CCM2: variants seen among roughly 807,000 people sequenced by gnomAD.
CCM2 encodes the protein CCM2 scaffold protein, also known as cerebral cavernous malformations 2 protein.
A neutral mutation model predicts 44.9 loss-of-function variants in CCM2; 25 were observed. The observed-to-expected ratio is 0.56, with a 90% confidence interval of 0.41 to 0.78. The LOEUF (loss-of-function observed/expected upper bound fraction) is 0.78. CCM2 is among the 30% of genes least tolerant of loss of function. The pLI is 0.00. For synonymous variants in CCM2, 219 were observed against 241.1 expected (o/e 0.91, Z 0.85); for missense variants, 481 against 580.6 (o/e 0.83, Z 1.76).
intron 1 of CCM2, among the ~76,000 whole-genome samples, chr7:45,028,444 T>C (rs1036007241): frequency 1.3e-5 from 2 of 151,574 alleles, no homozygotes; most frequent in African/African-American, 4.9e-5. Flanking sequence ...GATCAGGAGG[T>C]CAGGAGATCA....
intron 5 of CCM2, 63 bp downstream of exon 5, chr7:45,068,642 C>T: frequency 6.3e-7 from 1 of 1,598,670 alleles, no homozygotes; most frequent in East Asian, 2.2e-5. Context: ...CATGGCCAGC[C>T]CCACCCTGGC....
intron 1 of CCM2, among the ~76,000 whole-genome samples, chr7:45,022,555 C>T (rs916764320): frequency 6.6e-6 from 1 of 151,922 alleles, no homozygotes; most frequent in South Asian, 2.1e-4. Flanking sequence ...ATCCGCCCGC[C>T]TCGGCCTCCC....
At chr7:45,030,400 T>A (rs909886262) in intron 1 of CCM2, among the ~76,000 whole-genome samples, 2 of 152,240 alleles carry the variant, frequency 1.3e-5, no homozygotes, top group African/African-American at 4.8e-5. Flanking sequence ...ACTGGAATCC[T>A]GATTCTGTAC....
intron 6 of CCM2, 142 bp from the exon 7 acceptor site, chr7:45,072,584 C>A: frequency 1.4e-6 from 1 of 720,272 alleles, no homozygotes; most frequent in South Asian, 1.5e-5. Context: ...TTCCAGAGTG[C>A]GGGCAGCTTG....
intron 1 of CCM2, among the ~76,000 whole-genome samples, chr7:45,006,863 C>T (rs1309371354): frequency 6.6e-6 from 1 of 152,172 alleles, no homozygotes; most frequent in Non-Finnish European, 1.5e-5. Context: ...AGCATCTAGA[C>T]TCTAAGAGAA....
At chr7:45,045,497 C>T (rs1444804014) in intron 2 of CCM2, among the ~76,000 whole-genome samples, 1 of 152,128 alleles carries the variant, frequency 6.6e-6, no homozygotes, top group Non-Finnish European at 1.5e-5. Flanking sequence ...TGATTAAAAA[C>T]TCAGACAAAT....
chr7:45,042,946 TGCTTTCTCTTC>T (rs1797580703), intron 2 of CCM2, among the ~76,000 whole-genome samples: 1 of 149,306 alleles, frequency 6.7e-6, no homozygotes, highest in Non-Finnish European at 1.5e-5. Flanking sequence ...TTCTCTTCTC[TGCTTTCTCTTC>T]TCTTCTTCTT....
In CCM2 at chr7:45,021,669, G is replaced by C. The variant is rs114514432; in HGVS notation, c.31-16584G>C. Among the ~76,000 whole-genome samples, 1,452 of 152,212 alleles carry C rather than the reference G, an allele frequency of 9.5e-3. 28 individuals are homozygous for C. Among genetic ancestry groups the C allele is most frequent in the African/African-American group, 0.033 (1,370 of 41,528 alleles). ...CCTTTGGAAGTGCAGTTTGCAGAGT[G>C]AGTGAGATGAGGCAGGGGAGTAGGA... On this transcript the variant is annotated intron_variant, in intron 1 of 9. Coordinates refer to ENST00000258781, the MANE Select transcript of CCM2 (RefSeq NM_031443.4).
chr7:45,038,154 C>A, intron 1 of CCM2, 99 bp from the exon 2 acceptor site: 1 of 1,377,998 alleles, frequency 7.3e-7, no homozygotes, highest in Non-Finnish European at 1.0e-6. Flanking sequence ...TGCATGGGGG[C>A]CATGGTAGTA....
intron 1 of CCM2, among the ~76,000 whole-genome samples, chr7:45,000,850 C>G (rs552218557): frequency 1.3e-5 from 2 of 152,320 alleles, no homozygotes; most frequent in African/African-American, 4.8e-5. Flanking sequence ...GTGACGCTAG[C>G]TACATTTGGC....
chr7:45,040,241 G>A (rs531849350), intron 2 of CCM2, among the ~76,000 whole-genome samples: 10 of 151,870 alleles, frequency 6.6e-5, no homozygotes, highest in East Asian at 1.9e-4. Flanking sequence ...AAAATTAGCC[G>A]GGCGCGGTGG....
intron 6 of CCM2, 68 bp from the exon 7 acceptor site, chr7:45,072,658 G>A: frequency 1.6e-6 from 2 of 1,220,038 alleles, no homozygotes; most frequent in Middle Eastern, 2.2e-4. Flanking sequence ...ACAGCAGTGG[G>A]CTGGACTCAA....
At chr7:45,061,897 T>C (rs1798543681) in intron 2 of CCM2, among the ~76,000 whole-genome samples, 1 of 152,186 alleles carries the variant, frequency 6.6e-6, no homozygotes, top group African/African-American at 2.4e-5. Flanking sequence ...AAACTCAGAC[T>C]GGTATGGGGA....
chr7:45,063,803 C>T, intron 2 of CCM2, 115 bp from the exon 3 acceptor site: 2 of 771,972 alleles, frequency 2.6e-6, no homozygotes, highest in East Asian at 2.5e-5. Context: ...GAATGGAGAC[C>T]CATGGGCCTG....
chr7:45,054,664 G>A (rs1798172824), intron 2 of CCM2, among the ~76,000 whole-genome samples: 2 of 152,312 alleles, frequency 1.3e-5, no homozygotes, highest in Middle Eastern at 6.8e-3. Context: ...TGGCCATACC[G>A]TCTTCTTTCA....
At chr7:45,044,832 C>T (rs980220372) in intron 2 of CCM2, among the ~76,000 whole-genome samples, 2 of 152,064 alleles carry the variant, frequency 1.3e-5, no homozygotes, top group African/African-American at 4.8e-5. Flanking sequence ...TCCTTCCTTC[C>T]TTCCTTAGAC....
At chr7:45,018,185 G>A (rs892230922) in intron 1 of CCM2, among the ~76,000 whole-genome samples, 15 of 152,136 alleles carry the variant, frequency 9.9e-5, no homozygotes, top group Non-Finnish European at 1.5e-5. Context: ...CTCACAGGAG[G>A]CGGGGCTCAG....
Position 45,038,403 on chromosome 7 carries a change from G to A in CCM2, c.181G>A (p.Asp61Asn), listed in dbSNP as rs942924855. 3.1e-6 allele frequency: 5 copies of A among 1,613,960 alleles called. No individual in the cohort carries two copies. Among genetic ancestry groups the A allele is most frequent in the South Asian group, 2.2e-5 (2 of 91,086 alleles). Reference protein sequence around the residue: ...ERVEPDRLLSDYIEKEVKYLG... With the variant: ...ERVEPDRLLSNYIEKEVKYLG... Reference sequence around the variant, plus strand: ...CGTCGAGCCAGACAGACTGCTGAGCGACTATATTGAGAAGGAGGTAAAGGT... The same window carrying A: ...CGTCGAGCCAGACAGACTGCTGAGCAACTATATTGAGAAGGAGGTAAAGGT... Residue 61 changes from aspartate (D) to asparagine (N), a missense_variant, in exon 2 of 10, where the codon GAC (aspartate) becomes AAC (asparagine). Coordinates refer to ENST00000258781, the MANE Select transcript of CCM2 (RefSeq NM_031443.4).
At chr7:45,041,205 G>T (rs547504435) in intron 2 of CCM2, among the ~76,000 whole-genome samples, 4 of 152,310 alleles carry the variant, frequency 2.6e-5, no homozygotes, top group Admixed American at 6.5e-5. Flanking sequence ...AGTTGCTGAA[G>T]AAATAGAATA....
Sources: gnomAD v4.1 joint callset for allele counts (sites outside exome capture counted in the v4.1 genomes callset) on GRCh38, gnomAD v4.1.1 for gene constraint, MANE v1.5 for transcripts, NCBI Gene and HGNC (gene_info 2026-07-23, HGNC 2026-07-21) for gene names.